Variants in CTNNA3 observed in about 807,000 individuals in gnomAD.
The protein encoded by CTNNA3 is catenin alpha 3.
Under a neutral mutation model 95.7 loss-of-function variants are expected in CTNNA3, and 76 were observed. The observed-to-expected ratio is 0.79, with a 90% CI of 0.66 to 0.96. CTNNA3 has a LOEUF of 0.96. Among genes scored for constraint, CTNNA3 ranks in the 40% least tolerant of loss-of-function variants. The pLI, the probability that CTNNA3 is intolerant of heterozygous loss-of-function variation, is 0.00. For missense variants in CTNNA3, 1,191 were observed against 1,089.8 expected, an observed-to-expected ratio of 1.09 and a Z score of -1.31; for synonymous variants, 431 against 374.4, an observed-to-expected ratio of 1.15 and a Z score of -1.74.
chr10:66,461,322 T>A (rs2093527777), intron 11 of CTNNA3, among the ~76,000 whole-genome samples: 1 of 152,014 alleles, frequency 6.6e-6, no homozygotes, highest in African/African-American at 2.4e-5. Flanking sequence ...GGTAAAGAAG[T>A]TACAGATATT....
intron 10 of CTNNA3, among the ~76,000 whole-genome samples, chr10:66,589,235 G>C (rs1315479659): frequency 6.6e-6 from 1 of 151,742 alleles, no homozygotes; most frequent in Non-Finnish European, 1.5e-5. Context: ...GAGAGAGGGG[G>C]ATCAAGGAGA....
intron 10 of CTNNA3, among the ~76,000 whole-genome samples, chr10:66,578,241 T>C (rs1298787531): frequency 6.6e-6 from 1 of 152,020 alleles, no homozygotes. Flanking sequence ...CTATGGGGTT[T>C]TCTAAGCAGA....
At chr10:67,012,134 AC>A (rs2133041870) in intron 7 of CTNNA3, among the ~76,000 whole-genome samples, 1 of 152,296 alleles carries the variant, frequency 6.6e-6, no homozygotes, top group African/African-American at 2.4e-5. Context: ...ATTCTTATCC[AC>A]TGTGCAGTGC....
chr10:67,595,722 A>G (rs1386045864), intron 3 of CTNNA3, among the ~76,000 whole-genome samples: 2 of 152,168 alleles, frequency 1.3e-5, no homozygotes, highest in East Asian at 1.9e-4. Flanking sequence ...TAATTCTGTC[A>G]GTAGGGTGTT....
At chr10:65,993,851 T>A (rs972106580) in intron 15 of CTNNA3, among the ~76,000 whole-genome samples, 4 of 152,196 alleles carry the variant, frequency 2.6e-5, no homozygotes, top group African/African-American at 9.6e-5. Context: ...TTCTCCTGCC[T>A]CAGCCTCCTG....
chr10:67,760,828 C>G (rs187782786), intron 1 of CTNNA3, among the ~76,000 whole-genome samples: 1 of 152,304 alleles, frequency 6.6e-6, no homozygotes, highest in East Asian at 1.9e-4. Context: ...CTGTCACTGC[C>G]TCCCATCACC....
intron 7 of CTNNA3, among the ~76,000 whole-genome samples, chr10:66,890,445 G>C (rs964567496): frequency 2.6e-5 from 4 of 152,120 alleles, no homozygotes; most frequent in African/African-American, 9.7e-5. Flanking sequence ...ATGATGGCTA[G>C]GAGGGCAAGA....
chr10:66,493,472 C>T (rs1309185168), intron 11 of CTNNA3, among the ~76,000 whole-genome samples: 1 of 152,014 alleles, frequency 6.6e-6, no homozygotes, highest in Non-Finnish European at 1.5e-5. Context: ...GTTAAGAAAG[C>T]GGTAATTTAA....
intron 15 of CTNNA3, among the ~76,000 whole-genome samples, chr10:66,022,598 GACACACACACACACAC>G (rs34537265): frequency 8.7e-5 from 13 of 149,460 alleles, no homozygotes; most frequent in South Asian, 2.1e-4. Context: ...ATATGCACAT[GACACACACACACACAC>G]ACACACACAC....
intron 5 of CTNNA3, among the ~76,000 whole-genome samples, chr10:67,443,011 G>T (rs1046593107): frequency 2.2e-5 from 3 of 135,608 alleles, no homozygotes; most frequent in African/African-American, 8.4e-5. Context: ...TGTTCTCATT[G>T]TTCAATTCCC....
At chr10:67,030,507 T>C (rs1286793443) in intron 7 of CTNNA3, among the ~76,000 whole-genome samples, 1 of 151,978 alleles carries the variant, frequency 6.6e-6, no homozygotes, top group Non-Finnish European at 1.5e-5. Flanking sequence ...AATATATAAA[T>C]ACATAAATTA....
intron 7 of CTNNA3, among the ~76,000 whole-genome samples, chr10:66,940,626 T>G (rs1313486148): frequency 6.6e-6 from 1 of 152,216 alleles, no homozygotes; most frequent in Non-Finnish European, 1.5e-5. Context: ...CAAATTATAT[T>G]TCCAGAGGTC....
chr10:66,199,793 A>ACATATATATATATATATG lies in CTNNA3; in HGVS notation c.1884+80676_1884+80677insCATATATATATATATATG, dbSNP rs1291687206. ...TATATATATATATATATATATATAT[A>ACATATATATATATATATG]TATATATATATATTTTTTTTTTTTT... On this transcript the variant is annotated intron_variant, in intron 13 of 17. Coordinates refer to ENST00000433211, the MANE Select transcript of CTNNA3 (RefSeq NM_013266.4). 8.5e-3 allele frequency among the ~76,000 whole-genome samples: 119 copies of ACATATATATATATATATG among 13,986 alleles called. 3 individuals are homozygous for ACATATATATATATATATG. Among genetic ancestry groups the ACATATATATATATATATG allele is most frequent in the Non-Finnish European group, 0.012 (95 of 7,670 alleles). The allele number at this position is 13,986 out of a possible 152,430, so 9.2% of individuals were successfully genotyped here.
intron 10 of CTNNA3, among the ~76,000 whole-genome samples, chr10:66,607,376 C>T (rs756799636): frequency 1.3e-5 from 2 of 148,964 alleles, no homozygotes; most frequent in Non-Finnish European, 3.0e-5. Flanking sequence ...TATCATTCCT[C>T]CTGAAACTAT....
At chr10:66,650,569 C>T (rs997744545) in intron 9 of CTNNA3, among the ~76,000 whole-genome samples, 1 of 152,108 alleles carries the variant, frequency 6.6e-6, no homozygotes, top group African/African-American at 2.4e-5. Flanking sequence ...CGGACCCTCA[C>T]GATGAATGTT....
intron 7 of CTNNA3, among the ~76,000 whole-genome samples, chr10:67,058,178 A>G (rs939962334): frequency 2.0e-5 from 3 of 152,146 alleles, no homozygotes; most frequent in African/African-American, 4.8e-5. Flanking sequence ...TTATTTTGTG[A>G]TCACATTTCT....
intron 11 of CTNNA3, among the ~76,000 whole-genome samples, chr10:66,438,683 C>T (rs533382404): frequency 2.0e-5 from 3 of 152,160 alleles, no homozygotes; most frequent in Admixed American, 6.5e-5. Context: ...GGCTTCAGCC[C>T]CCTTTCCAGC....
chr10:65,984,373 A>C (rs1490414064), intron 16 of CTNNA3, among the ~76,000 whole-genome samples: 2 of 151,436 alleles, frequency 1.3e-5, no homozygotes, highest in Non-Finnish European at 3.0e-5. Flanking sequence ...GTAATAACTG[A>C]GTCAGTTTCT....
intron 1 of CTNNA3, among the ~76,000 whole-genome samples, chr10:67,703,405 C>G (rs1041975234): frequency 6.6e-6 from 1 of 152,070 alleles, no homozygotes; most frequent in African/African-American, 2.4e-5. Flanking sequence ...AATCCAGCAG[C>G]ACATCAAAAA....
Sources: gnomAD v4.1 joint callset for allele counts (sites outside exome capture counted in the v4.1 genomes callset) on GRCh38, gnomAD v4.1.1 for gene constraint, MANE v1.5 for transcripts, NCBI Gene and HGNC (gene_info 2026-07-23, HGNC 2026-07-21) for gene names.